The following F13B variants were observed in gnomAD, a reference collection of about 807,000 sequenced individuals.
F13B encodes coagulation factor XIII B chain.
A neutral mutation model predicts 79.8 loss-of-function variants in F13B; 58 were observed. The ratio of observed to expected loss-of-function variants is 0.73; its 90% CI spans 0.59 to 0.90. The LOEUF is 0.90. F13B is among the 40% of genes least tolerant of loss of function. The probability of loss-of-function intolerance (pLI) is 0.00; values close to 1 mark genes in which losing one functional copy is unlikely to be tolerated. For synonymous variants in F13B, 283 were observed against 260.3 expected (o/e 1.09, Z -0.84); for missense variants, 773 against 777.0 (o/e 0.99, Z 0.06).
Position 197,061,878 on chromosome 1 carries a change from A to G in F13B, c.357T>C (p.Ala119=). The G allele has an allele frequency of 1.9e-6, 3 of 1,613,346 alleles. No homozygotes were observed. Among genetic ancestry groups the G allele is most frequent in the South Asian group, 1.1e-5 (1 of 91,064 alleles). Residue 119 remains alanine (A), a synonymous_variant, in exon 3 of 12, where the codon GCT becomes GCC. Coordinates refer to ENST00000367412, the MANE Select transcript of F13B (RefSeq NM_001994.3). ...KIQENMRYGC[A]SGYKTTGGKD... ...TCCCTCCAGTGGTTTTGTACCCTGA[A>G]GCGCAACCATAACGCATGTTCTCTT... is the stretch of plus-strand genomic sequence containing the variant.
intron 10 of F13B, among the ~76,000 whole-genome samples, chr1:197,042,776 G>A (rs1460306166): frequency 4.8e-5 from 4 of 83,980 alleles, no homozygotes; most frequent in South Asian, 5.5e-4. Context: ...AGCAGGGATC[G>A]CACCACTGCA....
At chr1:197,065,404 T>C (rs1656011129) in intron 1 of F13B, among the ~76,000 whole-genome samples, 1 of 152,146 alleles carries the variant, frequency 6.6e-6, no homozygotes, top group African/African-American at 2.4e-5. Context: ...CACAGATGTC[T>C]GAACATATTA....
chr1:197,061,688 A>C, intron 3 of F13B, 96 bp downstream of exon 3: 2 of 1,019,314 alleles, frequency 2.0e-6, no homozygotes, highest in Non-Finnish European at 2.9e-6. Flanking sequence ...ATGAAAAATA[A>C]ATTCTATTAA....
intron 10 of F13B, among the ~76,000 whole-genome samples, chr1:197,044,781 A>C (rs1016595588): frequency 6.6e-6 from 1 of 152,194 alleles, no homozygotes; most frequent in Admixed American, 6.5e-5. Context: ...TGGCAAATGA[A>C]AAAGAACAGA....
At chr1:197,055,948 A>C (rs1445973537) in intron 7 of F13B, 51 bp from the exon 8 acceptor site, 2 of 1,345,026 alleles carry the variant, frequency 1.5e-6, no homozygotes, top group East Asian at 4.7e-5. Context: ...ACAATATACT[A>C]TAGTAACTCA....
chr1:197,050,378 A>AT (rs1267986716), intron 10 of F13B, among the ~76,000 whole-genome samples: 1 of 151,966 alleles, frequency 6.6e-6, no homozygotes, highest in Non-Finnish European at 1.5e-5. Context: ...TGTTTCCCTA[A>AT]TGTTTTCTAT....
intron 10 of F13B, among the ~76,000 whole-genome samples, chr1:197,041,957 C>T (rs1315962634): frequency 1.3e-5 from 2 of 152,106 alleles, no homozygotes; most frequent in Non-Finnish European, 2.9e-5. Context: ...TTAAAGGAAG[C>T]ACTTTACAGC....
At chr1:197,056,376 T>C (rs1255398532) in intron 7 of F13B, among the ~76,000 whole-genome samples, 1 of 152,176 alleles carries the variant, frequency 6.6e-6, no homozygotes, top group Non-Finnish European at 1.5e-5. Flanking sequence ...TTTTGTCTTA[T>C]TTAATAAATA....
intron 5 of F13B, among the ~76,000 whole-genome samples, chr1:197,059,258 A>T (rs1402619754): frequency 2.6e-5 from 4 of 152,204 alleles, no homozygotes; most frequent in African/African-American, 7.2e-5. Context: ...CTTTAAAAAA[A>T]TTTGCTTAAA....
chr1:197,044,081 AG>A (rs1655139284), intron 10 of F13B, among the ~76,000 whole-genome samples: 1 of 151,802 alleles, frequency 6.6e-6, no homozygotes, highest in Non-Finnish European at 1.5e-5. Context: ...AGAGAGAGAG[AG>A]AAAGAGAGAG....
chr1:197,052,918 G>C, intron 8 of F13B, 84 bp from the exon 9 acceptor site: 1 of 1,015,602 alleles, frequency 9.8e-7, no homozygotes, highest in East Asian at 2.5e-5. Flanking sequence ...ATTATGACAA[G>C]TTTCAAAAGC....
intron 1 of F13B, among the ~76,000 whole-genome samples, chr1:197,064,641 G>A (rs148633482): frequency 8.5e-4 from 130 of 152,198 alleles, no homozygotes; most frequent in African/African-American, 2.9e-3. Context: ...TACTATCACT[G>A]TTCTATATCT....
chr1:197,048,343 C>T (rs857020), intron 10 of F13B, among the ~76,000 whole-genome samples: 116,278 of 151,594 alleles, frequency 0.77, 48,627 homozygotes, highest in East Asian at 0.98. Flanking sequence ...AAATTATAAA[C>T]TGCATAAGTA....
At chr1:197,055,209 C>G (rs547955127) in intron 8 of F13B, among the ~76,000 whole-genome samples, 35 of 151,932 alleles carry the variant, frequency 2.3e-4, no homozygotes, top group Non-Finnish European at 3.7e-4. Context: ...CATTAGCAAA[C>G]ACTTTTATAT....
At chr1:197,050,013 T>G (rs1655386638) in intron 10 of F13B, among the ~76,000 whole-genome samples, 1 of 152,088 alleles carries the variant, frequency 6.6e-6, no homozygotes. Flanking sequence ...AAAGAAAGGT[T>G]TTTATACCTT....
intron 10 of F13B, among the ~76,000 whole-genome samples, chr1:197,045,657 T>C (rs922084125): frequency 2.6e-5 from 4 of 152,318 alleles, no homozygotes; most frequent in African/African-American, 9.6e-5. Context: ...CTAATTCATT[T>C]AATGAAGTCA....
chr1:197,066,023 T>A (rs541810658), intron 1 of F13B, among the ~76,000 whole-genome samples: 1 of 152,106 alleles, frequency 6.6e-6, no homozygotes, highest in Admixed American at 6.6e-5. Flanking sequence ...AAAATAGCAT[T>A]ATAACCTTAT....
chr1:197,054,028 C>T (rs1479896473), intron 8 of F13B, among the ~76,000 whole-genome samples: 1 of 152,036 alleles, frequency 6.6e-6, no homozygotes, highest in Non-Finnish European at 1.5e-5. Context: ...AAATTCTATG[C>T]TTTATCATAC....
chr1:197,040,381 T>A, intron 11 of F13B, 141 bp downstream of exon 11: 1 of 636,442 alleles, frequency 1.6e-6, no homozygotes, highest in Non-Finnish European at 2.7e-6. Context: ...TTGTTTGGTG[T>A]AAAAAAAATG....
Sources: gnomAD v4.1 joint callset for allele counts (sites outside exome capture counted in the v4.1 genomes callset) on GRCh38, gnomAD v4.1.1 for gene constraint, MANE v1.5 for transcripts, NCBI Gene and HGNC (gene_info 2026-07-23, HGNC 2026-07-21) for gene names.